Variants in ZMYM6 observed in about 807,000 individuals in gnomAD.
The protein encoded by ZMYM6 is zinc finger MYM-type containing 6.
Under a neutral mutation model 134.0 loss-of-function variants are expected in ZMYM6, and 90 were observed. The ratio of observed to expected loss-of-function variants is 0.67; its 90% CI spans 0.57 to 0.80. ZMYM6 has a LOEUF of 0.80. Ranked by LOEUF, ZMYM6 falls within the 30% of genes least tolerant of loss-of-function variation. The pLI is 0.00. For missense variants in ZMYM6, 1,362 were observed against 1,533.9 expected (o/e 0.89, Z 1.87); for synonymous variants, 481 against 524.1 (o/e 0.92, Z 1.12).
intron 10 of ZMYM6, 101 bp downstream of exon 10, chr1:35,010,346 G>C: frequency 6.9e-7 from 1 of 1,447,448 alleles, no homozygotes; most frequent in Non-Finnish European, 9.3e-7. Context: ...ATTACACCTT[G>C]TAAGACAAAA....
intron 4 of ZMYM6, chr1:35,017,171 A>T (rs983169913): frequency 6.6e-6 from 1 of 152,200 alleles, no homozygotes; most frequent in Non-Finnish European, 1.5e-5. Flanking sequence ...TAGTCTATGG[A>T]ATTAATTATT....
chr1:34,990,252 G>A (rs1350236192), intron 15 of ZMYM6: 2 of 259,964 alleles, frequency 7.7e-6, no homozygotes, highest in Admixed American at 3.0e-5. Context: ...AGGCTGAGGC[G>A]GGCACATCAT....
intron 4 of ZMYM6, 100 bp downstream of exon 4, chr1:35,019,253 A>T: frequency 6.6e-7 from 1 of 1,513,338 alleles, no homozygotes; most frequent in Non-Finnish European, 9.0e-7. Flanking sequence ...TTCTACAGAT[A>T]CATGCTGAAG....
intron 6 of ZMYM6, 148 bp from the exon 7 acceptor site, chr1:35,012,729 G>A (rs1641108819): frequency 2.1e-6 from 3 of 1,403,238 alleles, no homozygotes; most frequent in Middle Eastern, 2.7e-4. Flanking sequence ...TGGGAGGTGG[G>A]AAAATAAGTT....
chr1:35,020,311 T>C (rs1641282449), intron 3 of ZMYM6, 72 bp downstream of exon 3: 3 of 1,344,460 alleles, frequency 2.2e-6, no homozygotes, highest in Non-Finnish European at 2.0e-6. Flanking sequence ...CATGAAAAGA[T>C]GCTTTCCCTC....
In ZMYM6 at chr1:35,008,888, C is replaced by T. The variant is rs373960300; in HGVS notation, c.1529G>A (p.Arg510Gln). Residue 510 changes from arginine (R) to glutamine (Q), a missense_variant, in exon 11 of 16, where the codon CGA becomes CAA. By Grantham distance (43) the Arg-to-Gln change is conservative. Transcript: ENST00000357182. The stretch of plus-strand genomic sequence containing the variant: ...GCACATCTTACAGTAGTTTCCCCAT[C>T]GTTCTCCAAAGTCACGGGCAGAGAG... Reference protein sequence around the residue: ...KFLSARDFGERWGNYCKMCSY... With the variant: ...KFLSARDFGEQWGNYCKMCSY... 4.5e-5 allele frequency: 72 copies of T among 1,613,262 alleles called. No individual in the cohort carries two copies. Among genetic ancestry groups the T allele is most frequent in the Non-Finnish European group, 5.8e-5 (69 of 1,179,770 alleles).
At chr1:35,014,437 G>A (rs899822023) in intron 6 of ZMYM6, among the ~76,000 whole-genome samples, 6 of 152,126 alleles carry the variant, frequency 3.9e-5, no homozygotes, top group African/African-American at 7.2e-5. Flanking sequence ...ACCCTATCTC[G>A]ATTTCAAAAA....
At chr1:34,995,112 T>G (rs1303233180) in intron 14 of ZMYM6, among the ~76,000 whole-genome samples, 1 of 140,020 alleles carries the variant, frequency 7.1e-6, no homozygotes, top group Non-Finnish European at 1.5e-5. Flanking sequence ...TACGTAAGTA[T>G]ATATGTATAC....
chr1:35,025,072 T>C (rs1468419031), intron 2 of ZMYM6, among the ~76,000 whole-genome samples: 2 of 149,878 alleles, frequency 1.3e-5, no homozygotes, highest in African/African-American at 4.9e-5. Flanking sequence ...GGTTTCACCG[T>C]GTTGGCCAGG....
In ZMYM6 at chr1:35,010,493, C is replaced by T; in HGVS notation, c.1446G>A (p.Lys482=). ...CDYCKLQKII[K]ETVRFSGVDK... ...CAACCCCTGAGAATCGCACAGTCTC[C>T]TTTATAATTTTCTGCAGTTTACAGT... Residue 482 remains lysine, a synonymous_variant, in exon 10 of 16, where the codon AAG becomes AAA. Coordinates refer to ENST00000357182, the MANE Select transcript of ZMYM6 (RefSeq NM_007167.4). 6.2e-7 allele frequency: 1 copy of T among 1,613,974 alleles called. No individual in the cohort carries two copies. Among genetic ancestry groups the T allele is most frequent in the Non-Finnish European group, 8.5e-7 (1 of 1,179,980 alleles).
Position 35,015,743 on chromosome 1 carries a change from AAT to A in ZMYM6, c.429-583_429-582del, listed in dbSNP as rs35800399. On this transcript the variant is annotated intron_variant, in intron 4 of 15. Coordinates refer to ENST00000357182, the MANE Select transcript of ZMYM6 (RefSeq NM_007167.4). ...CATCTCAAAAAAAAAAAAAAAAAAA[AAT>A]ATATATATATATATATGTGGCCAGC... 2.8e-3 allele frequency among the ~76,000 whole-genome samples: 301 copies of A among 106,396 alleles called. 3 individuals are homozygous for A. Among genetic ancestry groups the A allele is most frequent in the East Asian group, 0.011 (42 of 3,822 alleles). The allele number at this position is 106,396 out of a possible 152,430, so 69.8% of individuals were successfully genotyped here.
chr1:34,987,314 A>G lies in ZMYM6; in HGVS notation c.3768T>C (p.Phe1256=), dbSNP rs1358010631. 1 of 1,612,262 alleles carries G rather than the reference A, an allele frequency of 6.2e-7. No individual in the cohort carries two copies. The highest frequency in any genetic ancestry group is 8.5e-7 in the Non-Finnish European group (1 of 1,179,124). The part of the protein sequence containing the change: ...ALFKSVSVTQ[F]WINAKTSYPE... ...GGTAACTTGTCTTTGCATTTATCCA[A>G]AACTGAGTTACAGACACTGATTTAA... The change falls in exon 16 of 16, where the codon TTT becomes TTC. Residue 1256 remains phenylalanine, a synonymous_variant. Coordinates refer to ENST00000357182, the MANE Select transcript of ZMYM6 (RefSeq NM_007167.4).
In ZMYM6 at chr1:34,986,505, G is replaced by A. The variant is rs1434814883; in HGVS notation, c.*599C>T. ...GCAGGTGGATCACTTGAGGTCAGGA[G>A]ATAGAGACCAGCCTGACCAATATGG... On this transcript the variant is annotated 3_prime_UTR_variant, in exon 16 of 16. Coordinates refer to ENST00000357182, the MANE Select transcript of ZMYM6 (RefSeq NM_007167.4). The A allele has an allele frequency of 1.3e-5, 2 of 152,356 alleles. No individual in the cohort carries two copies. Among genetic ancestry groups the A allele is most frequent in the Non-Finnish European group, 2.9e-5 (2 of 68,218 alleles). The allele number at this position is 152,356 out of a possible 1,614,324, so 9.4% of individuals were successfully genotyped here. A position where few individuals can be genotyped will look rare whatever the true frequency, so the allele number is the denominator to read the frequency against.
Position 35,030,575 on chromosome 1 carries a change from T to C in ZMYM6, c.65A>G (p.Lys22Arg), listed in dbSNP as rs1257002448. 2.5e-6 allele frequency: 4 copies of C among 1,613,062 alleles called. No individual in the cohort carries two copies. Among genetic ancestry groups the C allele is most frequent in the Admixed American group, 1.7e-5 (1 of 59,610 alleles). The change falls in exon 2 of 16, where the codon AAA becomes AGA. Residue 22 changes from lysine (K) to arginine (R), a missense_variant. Around this residue, in one of 3 missense-constraint regions of ZMYM6, gnomAD observed 503 missense variants for 520.8 expected, o/e 0.97. Transcript: ENST00000357182. The part of the protein sequence containing the change: ...AVVPQQELLD[K>R]IKEEPDNAQE... ...AGCATTGTCTGGTTCTTCTTTAATTTTGTCCAGAAGCTCCTGCTGTGGTAC... is the reference window on the plus strand; with the variant it reads ...AGCATTGTCTGGTTCTTCTTTAATTCTGTCCAGAAGCTCCTGCTGTGGTAC...
At position 35,008,489 on chromosome 1, in the gene ZMYM6, A is replaced by T. The variant is rs544798731; in HGVS notation, c.1665+263T>A. The stretch of plus-strand genomic sequence containing the variant: ...ATTATGTGAAGTTCTAACCTGAAAG[A>T]AGTCAAATAAGGGCAAAGTGCCTCA... On this transcript the variant is annotated intron_variant, in intron 11 of 15. Transcript: ENST00000357182. Among the ~76,000 whole-genome samples the T allele has an allele frequency of 4.9e-4, 75 of 152,366 alleles. 1 individual carries two copies. The South Asian group carries it at 0.015, about 29-fold the overall frequency.
rs1450266067 is a variant in ZMYM6 at position 34,988,877 on chromosome 1, T to G, written c.2205A>C (p.Lys735Asn). ...DAELDSPPSK[K>N]KRLGFFQTYD... Reference sequence around the variant, plus strand: ...AAGTCTGGAAAAAACCTAATCTTTTTTTCTTTGAAGGTGGAGAATCAAGTT... The same window carrying G: ...AAGTCTGGAAAAAACCTAATCTTTTGTTCTTTGAAGGTGGAGAATCAAGTT... The change falls in exon 16 of 16, where the codon AAA becomes AAC. Residue 735 changes from lysine to asparagine, a missense_variant. Around this residue, in one of 3 missense-constraint regions of ZMYM6, gnomAD observed 824 missense variants for 940.9 expected, o/e 0.88. Transcript: ENST00000357182. The G allele has an allele frequency of 6.2e-7, 1 of 1,611,548 alleles. No homozygotes were observed.
chr1:35,021,625 A>AAAAAAG (rs898838404), intron 2 of ZMYM6, among the ~76,000 whole-genome samples: 1 of 152,098 alleles, frequency 6.6e-6, no homozygotes, highest in African/African-American at 2.4e-5. Flanking sequence ...GCCTCAAAAA[A>AAAAAAG]AAAAAGAAAA....
At chr1:35,022,854 C>T (rs951437715) in intron 2 of ZMYM6, among the ~76,000 whole-genome samples, 1 of 152,142 alleles carries the variant, frequency 6.6e-6, no homozygotes, top group Non-Finnish European at 1.5e-5. Context: ...TACCCAATCG[C>T]CCAACACAGT....
At chr1:35,000,940 G>A (rs1208624062) in intron 14 of ZMYM6, among the ~76,000 whole-genome samples, 2 of 152,168 alleles carry the variant, frequency 1.3e-5, no homozygotes, top group Middle Eastern at 3.4e-3. Flanking sequence ...TATGGCCTGT[G>A]CACCACGTCC....
Sources: gnomAD v4.1 joint callset for allele counts (sites outside exome capture counted in the v4.1 genomes callset) on GRCh38, gnomAD v4.1.1 for gene constraint, gnomAD v4.1.1 regional missense constraint, MANE v1.5 for transcripts, NCBI Gene and HGNC (gene_info 2026-07-23, HGNC 2026-07-21) for gene names.